EGFLAM: variants seen among roughly 807,000 people sequenced by gnomAD.
The protein encoded by EGFLAM is pikachurin.
Under a neutral mutation model 113.1 loss-of-function variants are expected in EGFLAM, and 79 were observed. The observed-to-expected ratio is 0.70, with a 90% CI of 0.58 to 0.84. EGFLAM has a LOEUF of 0.84. EGFLAM is among the 40% of genes least tolerant of loss of function. The pLI is 0.00. For missense variants in EGFLAM, 1,265 were observed against 1,291.6 expected (o/e 0.98, Z 0.32); for synonymous variants, 504 against 487.6 (o/e 1.03, Z -0.44).
chr5:38,274,677 C>T (rs1445471419), intron 1 of EGFLAM, among the ~76,000 whole-genome samples: 1 of 152,110 alleles, frequency 6.6e-6, no homozygotes, highest in Non-Finnish European at 1.5e-5. Context: ...TTATCACCAC[C>T]AGACCTGTCT....
chr5:38,322,524 G>A (rs1038805795), intron 1 of EGFLAM, among the ~76,000 whole-genome samples: 1 of 152,168 alleles, frequency 6.6e-6, no homozygotes, highest in African/African-American at 2.4e-5. Flanking sequence ...TGTCTTTCCT[G>A]CTCACTGCTA....
rs1462221968 is a variant in EGFLAM at position 38,412,605 on chromosome 5, T to A, written c.1451T>A (p.Leu484Gln). The change falls in exon 11 of 22, where the codon CTG becomes CAG. Residue 484 changes from leucine to glutamine, a missense_variant. Transcript: ENST00000322350. The part of the protein sequence containing the change: ...VMLYRDGLNG[L>Q]LQLNNGTPVT... Reference sequence around the variant, plus strand: ...CTCTACAGAGATGGGCTGAACGGGCTGCTGCAGCTGAACAATGGCACCCCA... The same window carrying A: ...CTCTACAGAGATGGGCTGAACGGGCAGCTGCAGCTGAACAATGGCACCCCA... 6.2e-7 allele frequency: 1 copy of A among 1,614,166 alleles called. No individual in the cohort carries two copies. Among genetic ancestry groups the A allele is most frequent in the Non-Finnish European group, 8.5e-7 (1 of 1,180,028 alleles).
chr5:38,425,045 A>T lies in EGFLAM; in HGVS notation c.1763A>T (p.Tyr588Phe), dbSNP rs1741953300. 6.2e-7 allele frequency: 1 copy of T among 1,614,016 alleles called. No homozygotes were observed. Among genetic ancestry groups the T allele is most frequent in the African/African-American group, 1.3e-5 (1 of 74,932 alleles). Residue 588 changes from tyrosine (Y) to phenylalanine (F), a missense_variant, in exon 13 of 22, where the codon TAC becomes TTC. Tyr to Phe is a conservative substitution (Grantham distance 22). Coordinates refer to ENST00000322350, the MANE Select transcript of EGFLAM (RefSeq NM_152403.4). ...GTCTAIKADS[Y>F]ICLCPLGFKG... ...TGCACAGCAATCAAAGCCGACTCCT[A>T]CATTTGCCTCTGTCCCCTTGGGTTT...
chr5:38,385,270 T>TTCCCCCCCCCCCCCCCCCCCCCCCCCCCC, intron 6 of EGFLAM, among the ~76,000 whole-genome samples: 1 of 30,768 alleles, frequency 3.3e-5, no homozygotes, highest in African/African-American at 1.8e-4. Flanking sequence ...AAGGACTGTT[T>TTCCCCCCCCCCCCCCCCCCCCCCCCCCCC]CCCACCCACC....
At chr5:38,297,197 T>A (rs1443582073) in intron 1 of EGFLAM, among the ~76,000 whole-genome samples, 1 of 152,230 alleles carries the variant, frequency 6.6e-6, no homozygotes, top group African/African-American at 2.4e-5. Context: ...CATTGTATTA[T>A]GGTTATGTAA....
In EGFLAM at chr5:38,266,023, T is replaced by C. The variant is rs553907294; in HGVS notation, c.97+7172T>C. Among the ~76,000 whole-genome samples the C allele has an allele frequency of 9.2e-5, 14 of 152,352 alleles. No individual in the cohort carries two copies. The South Asian group carries it at 2.9e-3, about 32-fold the overall frequency. On this transcript the variant is annotated intron_variant, in intron 1 of 21. Coordinates refer to ENST00000322350, the MANE Select transcript of EGFLAM (RefSeq NM_152403.4). ...GTGACTGCTGACGACAACATGTTGC[T>C]CTGGGCATCTGTATTTAACCAGAAC...
intron 1 of EGFLAM, chr5:38,282,303 C>T (rs1197930437): frequency 1.3e-5 from 2 of 151,786 alleles, no homozygotes; most frequent in Non-Finnish European, 2.9e-5. Flanking sequence ...GCAAACAAAA[C>T]AAATAAGGGG....
chr5:38,418,496 C>G (rs73749232), intron 12 of EGFLAM, among the ~76,000 whole-genome samples: 3,618 of 152,298 alleles, frequency 0.024, 152 homozygotes, highest in African/African-American at 0.08. Context: ...AACCCTGGTT[C>G]TGTCCTGCTA....
chr5:38,327,604 C>CT (rs1462191797), intron 1 of EGFLAM, among the ~76,000 whole-genome samples: 4 of 152,076 alleles, frequency 2.6e-5, no homozygotes, highest in Admixed American at 6.6e-5. Context: ...ATACAAGCCT[C>CT]TTTTTTTAAT....
intron 20 of EGFLAM, chr5:38,462,582 G>A (rs1257162126): frequency 3.2e-5 from 8 of 246,772 alleles, no homozygotes; most frequent in Middle Eastern, 2.9e-3. Context: ...AGCTTTTTCT[G>A]ACCATCTCTC....
chr5:38,416,065 T>TA (rs1741631689), intron 11 of EGFLAM, among the ~76,000 whole-genome samples: 4 of 149,462 alleles, frequency 2.7e-5, no homozygotes, highest in Non-Finnish European at 6.0e-5. Context: ...TGTTTTTTTT[T>TA]TAAAAAAATA....
chr5:38,370,592 G>A, intron 6 of EGFLAM, 130 bp downstream of exon 6: 1 of 1,226,240 alleles, frequency 8.2e-7, no homozygotes. Context: ...CTTTCCTCCT[G>A]TGGTTTTCCC....
At chr5:38,317,951 G>A (rs1035513360) in intron 1 of EGFLAM, among the ~76,000 whole-genome samples, 139 of 152,302 alleles carry the variant, frequency 9.1e-4, no homozygotes, top group African/African-American at 3.2e-3. Flanking sequence ...GGAAACCGGA[G>A]AGAAACCTGA....
intron 6 of EGFLAM, among the ~76,000 whole-genome samples, chr5:38,375,386 C>T (rs1441205653): frequency 6.6e-6 from 1 of 152,174 alleles, no homozygotes; most frequent in African/African-American, 2.4e-5. Context: ...TCTCTGTCTC[C>T]ATGAATATTG....
At chr5:38,371,623 T>TAC (rs141810452) in intron 6 of EGFLAM, among the ~76,000 whole-genome samples, 10 of 148,672 alleles carry the variant, frequency 6.7e-5, no homozygotes, top group East Asian at 1.9e-4. Flanking sequence ...CACACACACA[T>TAC]ACACACACAC....
At position 38,465,370 on chromosome 5, in the gene EGFLAM, T is replaced by G. The variant is rs942362934; in HGVS notation, c.*1384T>G. Among the ~76,000 whole-genome samples, 2 of 152,234 alleles carry G rather than the reference T, an allele frequency of 1.3e-5. No homozygotes were observed. The highest frequency in any genetic ancestry group is 4.8e-5 in the African/African-American group (2 of 41,462). On this transcript the variant is annotated 3_prime_UTR_variant, in exon 22 of 22. Transcript: ENST00000322350. ...GCCTATAATTAGTCCCAGTCTCGAC[T>G]CTACATTTGTTTGTGCAGCATTCAT... is the stretch of plus-strand genomic sequence containing the variant.
chr5:38,343,686 G>A (rs897296147), intron 3 of EGFLAM, among the ~76,000 whole-genome samples: 39 of 152,188 alleles, frequency 2.6e-4, no homozygotes, highest in African/African-American at 9.2e-4. Flanking sequence ...GTGCATTGGA[G>A]GAAGGATGCT....
intron 6 of EGFLAM, among the ~76,000 whole-genome samples, chr5:38,385,274 A>ACCCC (rs1423167971): frequency 6.0e-5 from 2 of 33,590 alleles, no homozygotes; most frequent in Admixed American, 3.0e-4. Flanking sequence ...ACTGTTTCCC[A>ACCCC]CCCACCCCCC....
rs78031019 is a variant in EGFLAM at position 38,438,515 on chromosome 5, T to G, written c.2464+60T>G. The G allele has an allele frequency of 2.8e-6, 4 of 1,444,642 alleles. No homozygotes were observed. The African/African-American group carries it at 4.3e-5, about 15-fold the overall frequency. 89.5% of individuals were successfully genotyped at this position (1,444,642 alleles called of 1,614,324 possible). ...GGGAGTGGAAGGAACGGACAGCCAA[T>G]TGGGGGACCACAACTCTTAATGGAA... On this transcript the variant is annotated intron_variant, in intron 17 of 21. Transcript: ENST00000322350.
Sources: gnomAD v4.1 joint callset for allele counts (sites outside exome capture counted in the v4.1 genomes callset) on GRCh38, gnomAD v4.1.1 for gene constraint, MANE v1.5 for transcripts, NCBI Gene and HGNC (gene_info 2026-07-23, HGNC 2026-07-21) for gene names.